The following KDM2B variants were observed in gnomAD, a reference collection of about 807,000 sequenced individuals.
KDM2B encodes the protein lysine-specific demethylase 2B.
A neutral mutation model predicts 150.0 loss-of-function variants in KDM2B; 26 were observed. The ratio of observed to expected loss-of-function variants is 0.17; its 90% confidence interval spans 0.13 to 0.24. The LOEUF (loss-of-function observed/expected upper bound fraction) is 0.24. KDM2B is among the 10% of genes least tolerant of loss of function. KDM2B has a pLI of 1.00. For missense variants in KDM2B, 1,265 were observed against 1,816.9 expected, an observed-to-expected ratio of 0.70 and a Z score of 5.52; for synonymous variants, 734 against 729.5, an observed-to-expected ratio of 1.01 and a Z score of -0.10.
At chr12:121,544,096 C>G (rs1027341216) in intron 6 of KDM2B, among the ~76,000 whole-genome samples, 5 of 121,746 alleles carry the variant, frequency 4.1e-5, no homozygotes, top group Admixed American at 1.1e-4. Context: ...GCCTGGGCAA[C>G]AGAGAGAGAC....
intron 6 of KDM2B, among the ~76,000 whole-genome samples, chr12:121,542,488 C>T (rs540117100): frequency 5.9e-5 from 9 of 152,340 alleles, no homozygotes; most frequent in African/African-American, 2.2e-4. Context: ...CCAGAACCAC[C>T]CAGCTCAGTT....
intron 8 of KDM2B, among the ~76,000 whole-genome samples, chr12:121,526,072 C>T (rs1555306744): frequency 6.6e-6 from 1 of 152,202 alleles, no homozygotes; most frequent in Non-Finnish European, 1.5e-5. Context: ...TTAAATGAAG[C>T]CGAGACTGGT....
At chr12:121,572,422 T>G (rs1555316114) in intron 4 of KDM2B, among the ~76,000 whole-genome samples, 1 of 152,144 alleles carries the variant, frequency 6.6e-6, no homozygotes, top group South Asian at 2.1e-4. Flanking sequence ...ACTCACTCAG[T>G]TCCGCACTCC....
At chr12:121,472,281 G>A (rs1555296031) in intron 12 of KDM2B, among the ~76,000 whole-genome samples, 2 of 152,216 alleles carry the variant, frequency 1.3e-5, no homozygotes, top group Non-Finnish European at 2.9e-5. Context: ...GGCAAAAGCA[G>A]AAGGTCTTTT....
At chr12:121,465,576 G>A (rs1385225658) in intron 12 of KDM2B, among the ~76,000 whole-genome samples, 1 of 152,110 alleles carries the variant, frequency 6.6e-6, no homozygotes, top group Non-Finnish European at 1.5e-5. Context: ...GGAGTGGCAG[G>A]ACCCGAAAAC....
Position 121,467,488 on chromosome 12 carries a change from C to A in KDM2B, c.1735-14144G>T, listed in dbSNP as rs1255164279. 1 of 332,432 alleles carries A rather than the reference C, an allele frequency of 3.0e-6. No homozygotes were observed. The highest frequency in any genetic ancestry group is 2.3e-5 in the African/African-American group (1 of 44,242). 20.6% of individuals were successfully genotyped at this position (332,432 alleles called of 1,614,324 possible). ...GGCGGGCGGGCCAATGGCGCGGCCG[C>A]GGCGCTGGGGCCGCACACAAAGGGA... On this transcript the variant is annotated intron_variant, in intron 12 of 22. Coordinates refer to ENST00000377071, the MANE Select transcript of KDM2B (RefSeq NM_032590.5). The surrounding 1 kb of genome is among the most constrained non-coding windows in gnomAD (Gnocchi z 5.1).
At chr12:121,431,812 C>T (rs1362103463) in intron 22 of KDM2B, among the ~76,000 whole-genome samples, 2 of 151,626 alleles carry the variant, frequency 1.3e-5, no homozygotes, top group Non-Finnish European at 2.9e-5. Context: ...TGCTTTTGGA[C>T]TGAAGATGGG....
chr12:121,455,574 G>A (rs1160616530), intron 12 of KDM2B, among the ~76,000 whole-genome samples: 1 of 152,010 alleles, frequency 6.6e-6, no homozygotes, highest in Non-Finnish European at 1.5e-5. Context: ...GTGTAGTGGT[G>A]TGCACCTGCA....
intron 12 of KDM2B, among the ~76,000 whole-genome samples, chr12:121,478,114 C>G (rs1881594845): frequency 6.6e-6 from 1 of 151,978 alleles, no homozygotes; most frequent in African/African-American, 2.4e-5. Context: ...AAATAACCCT[C>G]CCGCCTTGGC....
intron 22 of KDM2B, chr12:121,433,306 C>T (rs1873378826): frequency 4.8e-6 from 2 of 412,850 alleles, no homozygotes; most frequent in Non-Finnish European, 9.7e-6. Context: ...ATGTTTCCTG[C>T]TGGCGCGTGG....
rs1394731387 is a variant in KDM2B at position 121,533,051 on chromosome 12, C to T, written c.778-92G>A. 2.0e-5 allele frequency: 26 copies of T among 1,327,972 alleles called. 1 individual carries two copies. The highest frequency in any genetic ancestry group is 5.2e-5 in the South Asian group (4 of 76,934). The allele number at this position is 1,327,972 out of a possible 1,614,324, so 82.3% of individuals were successfully genotyped here. A position where few individuals can be genotyped will look rare whatever the true frequency, so the allele number is the denominator to read the frequency against. On this transcript the variant is annotated intron_variant, in intron 7 of 22. Coordinates refer to ENST00000377071, the MANE Select transcript of KDM2B (RefSeq NM_032590.5). The surrounding 1 kb of genome is among the most constrained non-coding windows in gnomAD (Gnocchi z 4.1). ...ACCTGCCTGGCGGAAGGGGAGGGGG[C>T]GAGACAAGCTGTGTGTGGGGTGGGG... is the stretch of plus-strand genomic sequence containing the variant.
intron 14 of KDM2B, chr12:121,444,923 TGTG>T (rs1390222428): frequency 7.5e-6 from 3 of 402,066 alleles, no homozygotes; most frequent in Non-Finnish European, 1.4e-5. Context: ...GGGGAAGGAG[TGTG>T]GTGTGGGGCC....
chr12:121,579,668 T>TC (rs1555317563), intron 1 of KDM2B: 2 of 1,361,732 alleles, frequency 1.5e-6, no homozygotes, highest in African/African-American at 1.5e-5. Flanking sequence ...CTAAGGAGAC[T>TC]CCCCCACCAC....
chr12:121,450,858 C>CA (rs1555291468), intron 13 of KDM2B, among the ~76,000 whole-genome samples: 35 of 128,370 alleles, frequency 2.7e-4, no homozygotes, highest in Non-Finnish European at 4.2e-4. Flanking sequence ...AAGACTCCAT[C>CA]AAAAAAAAAA....
intron 11 of KDM2B, among the ~76,000 whole-genome samples, chr12:121,500,977 C>G (rs1566344379): frequency 6.6e-6 from 1 of 152,148 alleles, no homozygotes; most frequent in Non-Finnish European, 1.5e-5. Flanking sequence ...GGCACATGCC[C>G]ATAGTCCCAG....
intron 1 of KDM2B, chr12:121,580,063 G>A (rs782225083): frequency 7.5e-6 from 12 of 1,595,566 alleles, no homozygotes; most frequent in Admixed American, 6.9e-5. Flanking sequence ...TTTTTTAGGA[G>A]AGTTCACCAA....
chr12:121,439,109 CCAA>C (rs542228361), intron 22 of KDM2B, among the ~76,000 whole-genome samples: 96 of 152,210 alleles, frequency 6.3e-4, no homozygotes, highest in African/African-American at 2.2e-3. Flanking sequence ...TTTTTTCTCT[CCAA>C]CAACAGGCCC....
At chr12:121,428,653 G>A (rs1413947673), downstream of KDM2B, among the ~76,000 whole-genome samples, 2 of 152,136 alleles carry the variant, frequency 1.3e-5, no homozygotes, top group African/African-American at 4.8e-5. Context: ...AGTTGTTTCT[G>A]TATGTGAATA....
chr12:121,465,291 G>A (rs1013466222), intron 12 of KDM2B, among the ~76,000 whole-genome samples: 8 of 152,138 alleles, frequency 5.3e-5, no homozygotes, highest in Non-Finnish European at 5.9e-5. Context: ...GCAGTGGCAC[G>A]ATCTCGGCTC....
Sources: allele counts gnomAD v4.1 joint callset (sites outside exome capture counted in the v4.1 genomes callset), GRCh38; gene constraint gnomAD v4.1.1; non-coding constraint Gnocchi (gnomAD v3.1); transcripts MANE v1.5; gene names NCBI Gene and HGNC (gene_info 2026-07-23, HGNC 2026-07-21).